The following MLLT10 variants were observed in gnomAD, a reference collection of about 807,000 sequenced individuals.
MLLT10 encodes the protein MLLT10 histone lysine methyltransferase DOT1L cofactor.
In MLLT10, 30 loss-of-function variants were observed where a neutral mutation model predicts 129.1. The observed-to-expected ratio is 0.23, with a 90% confidence interval of 0.17 to 0.32. The LOEUF (loss-of-function observed/expected upper bound fraction) is 0.32, where lower values mean the gene tolerates loss of function less well. Among genes scored for constraint, MLLT10 ranks in the 10% least tolerant of loss-of-function variants. The pLI is 1.00. For missense variants in MLLT10, 1,119 were observed against 1,268.3 expected (o/e 0.88, Z 1.79); for synonymous variants, 490 against 446.4 (o/e 1.10, Z -1.23).
chr10:21,725,227 C>CT lies in MLLT10; in HGVS notation c.1879-1015dup, dbSNP rs59166416. On this transcript the variant is annotated intron_variant, in intron 14 of 22. Transcript: ENST00000307729. ...TTGGACTTTTGACCTCCTTAGCCAGCTTGTGATATGAGAGATTGAAGCATT... is the reference window on the plus strand; with the variant it reads ...TTGGACTTTTGACCTCCTTAGCCAGCTTTGTGATATGAGAGATTGAAGCATT... Among the ~76,000 whole-genome samples, 391 of 152,236 alleles carry CT rather than the reference C, an allele frequency of 2.6e-3. 2 individuals carry two copies. Among genetic ancestry groups the CT allele is most frequent in the African/African-American group, 8.9e-3 (369 of 41,538 alleles).
intron 4 of MLLT10, among the ~76,000 whole-genome samples, chr10:21,594,782 C>T (rs1394021506): frequency 6.1e-5 from 9 of 147,008 alleles, no homozygotes; most frequent in South Asian, 2.2e-4. Flanking sequence ...TGCGGTGAGC[C>T]GAGATCGCGC....
chr10:21,599,346 A>C (rs1221210565), intron 5 of MLLT10, among the ~76,000 whole-genome samples: 1 of 152,126 alleles, frequency 6.6e-6, no homozygotes, highest in Non-Finnish European at 1.5e-5. Context: ...CATCTCAAAA[A>C]ACAAAAAGAA....
At chr10:21,702,544 T>C (rs912217224) in intron 13 of MLLT10, among the ~76,000 whole-genome samples, 19 of 152,254 alleles carry the variant, frequency 1.2e-4, no homozygotes, top group African/African-American at 4.3e-4. Flanking sequence ...CTCACTATTA[T>C]TGTATTGGAG....
chr10:21,555,341 G>T (rs2037762557), intron 3 of MLLT10, among the ~76,000 whole-genome samples: 1 of 152,058 alleles, frequency 6.6e-6, no homozygotes, highest in Admixed American at 6.6e-5. Flanking sequence ...TCCCTTCTCA[G>T]CCTCCTCAGT....
chr10:21,593,926 TAAAAAAAAAAA>T (rs61561146), intron 4 of MLLT10, among the ~76,000 whole-genome samples: 37 of 45,428 alleles, frequency 8.1e-4, no homozygotes, highest in African/African-American at 2.3e-3. Context: ...GCTTTGTCTT[TAAAAAAAAAAA>T]AAAAAAAAAA....
chr10:21,563,231 T>C (rs2039088176), intron 3 of MLLT10, among the ~76,000 whole-genome samples: 1 of 152,070 alleles, frequency 6.6e-6, no homozygotes, highest in African/African-American at 2.4e-5. Context: ...ATAGAACTTG[T>C]AATTTTCTGG....
At position 21,680,091 on chromosome 10, in the gene MLLT10, G is replaced by A. The variant is rs183004778; in HGVS notation, c.1622-1241G>A. Among the ~76,000 whole-genome samples the A allele has an allele frequency of 1.9e-3, 294 of 151,970 alleles. 1 individual carries two copies. Among genetic ancestry groups the A allele is most frequent in the Non-Finnish European group, 8.8e-4 (60 of 67,944 alleles). ...ATTTCTCATATTCTGAGCAGATTTT[G>A]CTTTTATTAGTGTTTTATTCCTTGT... On this transcript the variant is annotated intron_variant, in intron 11 of 22. Transcript: ENST00000307729.
intron 13 of MLLT10, among the ~76,000 whole-genome samples, chr10:21,711,766 A>G (rs2056110675): frequency 6.6e-6 from 1 of 152,148 alleles, no homozygotes; most frequent in African/African-American, 2.4e-5. Context: ...AAAAGATAGA[A>G]AAGAAATTAG....
intron 3 of MLLT10, among the ~76,000 whole-genome samples, chr10:21,551,289 CTTTTT>C (rs11461905): frequency 3.6e-4 from 33 of 91,958 alleles, no homozygotes; most frequent in South Asian, 6.7e-4. Context: ...CGGATTGTAC[CTTTTT>C]TTTTTTTTTT....
intron 13 of MLLT10, among the ~76,000 whole-genome samples, chr10:21,688,130 A>G (rs1312398276): frequency 6.6e-6 from 1 of 151,694 alleles, no homozygotes; most frequent in Non-Finnish European, 1.5e-5. Flanking sequence ...CACTGGGGAG[A>G]AAAAGTAGTT....
At chr10:21,701,868 C>T (rs566198640) in intron 13 of MLLT10, among the ~76,000 whole-genome samples, 5 of 152,224 alleles carry the variant, frequency 3.3e-5, no homozygotes, top group African/African-American at 1.2e-4. Context: ...GGGTTACAGG[C>T]GTGAGCCACC....
At chr10:21,689,211 G>A (rs2053583264) in intron 13 of MLLT10, among the ~76,000 whole-genome samples, 1 of 151,946 alleles carries the variant, frequency 6.6e-6, no homozygotes, top group Non-Finnish European at 1.5e-5. Flanking sequence ...TTGCTTTGGG[G>A]AAATAAGTAT....
At chr10:21,614,225 CAAAAAAAA>C (rs34546142) in intron 6 of MLLT10, among the ~76,000 whole-genome samples, 3 of 81,036 alleles carry the variant, frequency 3.7e-5, no homozygotes, top group Non-Finnish European at 7.3e-5. Context: ...TTTTTTTTTT[CAAAAAAAA>C]AAAAAAAAAA....
chr10:21,735,081 C>A, intron 20 of MLLT10, 58 bp from the exon 21 acceptor site: 7 of 1,242,542 alleles, frequency 5.6e-6, no homozygotes, highest in Non-Finnish European at 8.1e-6. Flanking sequence ...CATTTTTAGA[C>A]TTCTAAAAAT....
intron 9 of MLLT10, among the ~76,000 whole-genome samples, chr10:21,656,426 A>G (rs934349220): frequency 2.0e-5 from 3 of 152,206 alleles, no homozygotes; most frequent in Non-Finnish European, 2.9e-5. Flanking sequence ...TTAAATTGAA[A>G]GTCAAGGGAA....
At chr10:21,582,008 A>T (rs547254211) in intron 3 of MLLT10, among the ~76,000 whole-genome samples, 4 of 152,202 alleles carry the variant, frequency 2.6e-5, no homozygotes, top group Non-Finnish European at 4.4e-5. Context: ...TTTTAGTTCC[A>T]TTTAATCTCA....
At chr10:21,543,266 A>G (rs2035515012) in intron 3 of MLLT10, among the ~76,000 whole-genome samples, 1 of 151,656 alleles carries the variant, frequency 6.6e-6, no homozygotes, top group Middle Eastern at 3.2e-3. Context: ...GGTTACAGAC[A>G]TGCGTCACCA....
At chr10:21,708,213 G>A (rs983201564) in intron 13 of MLLT10, among the ~76,000 whole-genome samples, 1 of 152,178 alleles carries the variant, frequency 6.6e-6, no homozygotes, top group Non-Finnish European at 1.5e-5. Flanking sequence ...GAAGGAATCA[G>A]TATGTCATTG....
intron 6 of MLLT10, among the ~76,000 whole-genome samples, chr10:21,612,718 T>C (rs2131195416): frequency 6.6e-6 from 1 of 152,330 alleles, no homozygotes; most frequent in South Asian, 2.1e-4. Flanking sequence ...TGGTATTGAT[T>C]ACCTATCCTT....
Sources: gnomAD v4.1 joint callset for allele counts (sites outside exome capture counted in the v4.1 genomes callset) on GRCh38, gnomAD v4.1.1 for gene constraint, MANE v1.5 for transcripts, NCBI Gene and HGNC (gene_info 2026-07-23, HGNC 2026-07-21) for gene names.